The following SLC12A8 variants were observed in gnomAD, a reference collection of about 807,000 sequenced individuals.
SLC12A8 encodes the protein cation-chloride cotransporter 9.
Under a neutral mutation model 75.6 loss-of-function variants are expected in SLC12A8, and 69 were observed. The ratio of observed to expected loss-of-function variants is 0.91; its 90% CI spans 0.75 to 1.11. SLC12A8 has a LOEUF of 1.11. Ranked by LOEUF, SLC12A8 falls within the 50% of genes most tolerant of loss-of-function variation. The pLI is 0.00. For missense variants in SLC12A8, 877 were observed against 896.7 expected (o/e 0.98, Z 0.28); for synonymous variants, 365 against 372.8 (o/e 0.98, Z 0.24).
At chr3:125,182,323 T>A (rs572198310) in intron 4 of SLC12A8, among the ~76,000 whole-genome samples, 65 of 151,596 alleles carry the variant, frequency 4.3e-4, no homozygotes, top group Non-Finnish European at 5.0e-4. Flanking sequence ...TGAGACCCTG[T>A]CTCAAAAAAA....
chr3:125,134,924 T>C (rs979095218), intron 6 of SLC12A8, among the ~76,000 whole-genome samples: 2 of 152,240 alleles, frequency 1.3e-5, no homozygotes, highest in African/African-American at 2.4e-5. Context: ...TGCTTTTCTC[T>C]CTTCATTAAG....
intron 5 of SLC12A8, among the ~76,000 whole-genome samples, chr3:125,156,006 C>A (rs1420898839): frequency 6.6e-6 from 1 of 152,058 alleles, no homozygotes; most frequent in African/African-American, 2.4e-5. Context: ...GACTTGTGAG[C>A]CAGACGTGAT....
chr3:125,157,356 C>G lies in SLC12A8; in HGVS notation c.622+20387G>C, dbSNP rs1650695647. 2.0e-5 allele frequency among the ~76,000 whole-genome samples: 3 copies of G among 151,918 alleles called. No homozygotes were observed. The South Asian group carries it at 6.3e-4, about 32-fold the overall frequency. On this transcript the variant is annotated intron_variant, in intron 5 of 13. Transcript: ENST00000469902. ...TGGGGCCATGTTCCGATAAACCTGT[C>G]ATAAGTGAAAAATAACGGCTGTGAT...
intron 13 of SLC12A8, 101 bp from the exon 14 acceptor site, chr3:125,084,153 A>G: frequency 2.3e-6 from 2 of 876,246 alleles, no homozygotes; most frequent in Non-Finnish European, 3.5e-6. Context: ...GTAAACACAC[A>G]TGTATTTAAA....
At chr3:125,158,358 T>C (rs941512741) in intron 5 of SLC12A8, among the ~76,000 whole-genome samples, 1 of 152,036 alleles carries the variant, frequency 6.6e-6, no homozygotes, top group African/African-American at 2.4e-5. Flanking sequence ...GTAGCTGGAA[T>C]TACAGGCATG....
chr3:125,084,802 G>C (rs1043315208), intron 13 of SLC12A8, among the ~76,000 whole-genome samples: 16 of 152,174 alleles, frequency 1.1e-4, no homozygotes, highest in Admixed American at 5.9e-4. Flanking sequence ...ACCTTCTTGT[G>C]TCTCTATTTT....
chr3:125,108,950 G>A (rs1939109702), intron 9 of SLC12A8, among the ~76,000 whole-genome samples: 1 of 152,114 alleles, frequency 6.6e-6, no homozygotes, highest in Non-Finnish European at 1.5e-5. Context: ...TGACCTTCAG[G>A]TGGACAGGAG....
intron 10 of SLC12A8, among the ~76,000 whole-genome samples, chr3:125,097,109 G>A (rs1938731735): frequency 2.0e-5 from 3 of 152,188 alleles, no homozygotes; most frequent in Non-Finnish European, 4.4e-5. Context: ...ACTAGGCCGG[G>A]CACAGTGGCT....
chr3:125,187,364 G>A lies in SLC12A8; in HGVS notation c.263C>T (p.Thr88Met), dbSNP rs375202810. 2.2e-5 allele frequency: 35 copies of A among 1,614,186 alleles called. No homozygotes were observed. The highest frequency in any genetic ancestry group is 9.9e-5 in the South Asian group (9 of 91,080). ...VSFVILVALV[T>M]VLSGIGVGER... ...CCCGACGCCAATGCCAGACAGCACCGTGACGAGGGCCACCAGGATGACGAA... is the reference window on the plus strand; with the variant it reads ...CCCGACGCCAATGCCAGACAGCACCATGACGAGGGCCACCAGGATGACGAA... The change falls in exon 4 of 14, where the codon ACG becomes ATG. Residue 88 changes from threonine (T) to methionine (M), a missense_variant. Coordinates refer to ENST00000469902, the MANE Select transcript of SLC12A8 (RefSeq NM_024628.6).
At chr3:125,108,380 T>C (rs1364280731) in intron 9 of SLC12A8, among the ~76,000 whole-genome samples, 4 of 151,866 alleles carry the variant, frequency 2.6e-5, no homozygotes, top group African/African-American at 7.3e-5. Context: ...TTTTTTTTTC[T>C]TTTTTTGAGA....
At chr3:125,196,517 C>T (rs1465815144) in intron 2 of SLC12A8, among the ~76,000 whole-genome samples, 1 of 152,094 alleles carries the variant, frequency 6.6e-6, no homozygotes, top group South Asian at 2.1e-4. Context: ...AAGAATAACC[C>T]CCATACTGAG....
At chr3:125,165,391 G>A (rs967882854) in intron 5 of SLC12A8, among the ~76,000 whole-genome samples, 5 of 152,236 alleles carry the variant, frequency 3.3e-5, no homozygotes, top group Non-Finnish European at 5.9e-5. Flanking sequence ...GCACTGCAGG[G>A]CCCTTCCAGG....
intron 5 of SLC12A8, among the ~76,000 whole-genome samples, chr3:125,163,921 C>T (rs1346580257): frequency 6.6e-6 from 1 of 152,226 alleles, no homozygotes; most frequent in Non-Finnish European, 1.5e-5. Context: ...CCCTGCCTGG[C>T]CGGACACCAT....
rs1223962409 is a variant in SLC12A8 at position 125,177,787 on chromosome 3, G to A, written c.578C>T (p.Ser193Phe). ...AGAACCCACCACAAAGTCCAGTGTG[G>A]ACACGGCCAGCAGGAACAGCAACAG... is the stretch of plus-strand genomic sequence containing the variant. Reference protein sequence around the residue: ...QLLLLFLLAVSTLDFVVGSFT... With the variant: ...QLLLLFLLAVFTLDFVVGSFT... The change falls in exon 5 of 14, where the codon TCC (serine) becomes TTC (phenylalanine). Residue 193 changes from serine (S) to phenylalanine (F), a missense_variant. Transcript: ENST00000469902. The A allele has an allele frequency of 6.2e-7, 1 of 1,614,194 alleles. No homozygotes were observed. Among genetic ancestry groups the A allele is most frequent in the South Asian group, 1.1e-5 (1 of 91,080 alleles).
chr3:125,110,274 A>T lies in SLC12A8; in HGVS notation c.974T>A (p.Met325Lys). ...GLYISSLASC[M>K]GGLYGAPRIL... ...GCGGGGAGCTCCATAAAGTCCTCCCATGCAGGAAGCCAGGGACGAGATGTA... is the reference window on the plus strand; with the variant it reads ...GCGGGGAGCTCCATAAAGTCCTCCCTTGCAGGAAGCCAGGGACGAGATGTA... Residue 325 changes from methionine to lysine, a missense_variant, in exon 9 of 14, where the codon ATG (methionine) becomes AAG (lysine). Coordinates refer to ENST00000469902, the MANE Select transcript of SLC12A8 (RefSeq NM_024628.6). 1 of 1,614,072 alleles carries T rather than the reference A, an allele frequency of 6.2e-7. No homozygotes were observed. Among genetic ancestry groups the T allele is most frequent in the Non-Finnish European group, 8.5e-7 (1 of 1,179,928 alleles).
Position 125,096,084 on chromosome 3 carries a change from T to A in SLC12A8, c.1706-3886A>T, listed in dbSNP as rs1938704935. 3.3e-5 allele frequency among the ~76,000 whole-genome samples: 5 copies of A among 152,218 alleles called. No individual in the cohort carries two copies. In the South Asian group the frequency reaches 1.0e-3, roughly 32 times the overall value. On this transcript the variant is annotated intron_variant, in intron 10 of 13. Coordinates refer to ENST00000469902, the MANE Select transcript of SLC12A8 (RefSeq NM_024628.6). ...TCTTCCCTGGCTCACTGCTCTCCAG[T>A]CACTACTGGGCCTCTGCCATTCTTG...
At position 125,120,628 on chromosome 3, in the gene SLC12A8, G is replaced by A; in HGVS notation, c.795C>T (p.Pro265=). The A allele has an allele frequency of 1.2e-6, 2 of 1,613,806 alleles. No individual in the cohort carries two copies. Among genetic ancestry groups the A allele is most frequent in the Non-Finnish European group, 1.7e-6 (2 of 1,179,918 alleles). ...GDLREPAASI[P]LGSLAAVGIS... is the part of the protein sequence containing the mutation. ...TGCCAACAGCTGCCAGGGAGCCCAG[G>A]GGAATGCTGGCGGCAGGCTCCCTGA... The change falls in exon 7 of 14, where the codon CCC becomes CCT. Residue 265 remains proline (P), a synonymous_variant. Coordinates refer to ENST00000469902, the MANE Select transcript of SLC12A8 (RefSeq NM_024628.6).
chr3:125,181,533 G>A (rs903755034), intron 4 of SLC12A8, among the ~76,000 whole-genome samples: 6 of 147,318 alleles, frequency 4.1e-5, no homozygotes, highest in Admixed American at 2.0e-4. Context: ...CCCGGGAAGC[G>A]GAGCTTGCAG....
chr3:125,136,100 T>C (rs1933487796), intron 5 of SLC12A8, among the ~76,000 whole-genome samples: 1 of 152,208 alleles, frequency 6.6e-6, no homozygotes, highest in Non-Finnish European at 1.5e-5. Context: ...TGAGCATGTA[T>C]TTATATGTTT....
Sources: gnomAD v4.1 joint callset for allele counts (sites outside exome capture counted in the v4.1 genomes callset) on GRCh38, gnomAD v4.1.1 for gene constraint, MANE v1.5 for transcripts, NCBI Gene and HGNC (gene_info 2026-07-23, HGNC 2026-07-21) for gene names.